FCHO2: variants seen among roughly 807,000 people sequenced by gnomAD.
FCHO2 encodes the protein FCH and mu domain containing endocytic adaptor 2.
A neutral mutation model predicts 114.1 loss-of-function variants in FCHO2; 43 were observed. That is an observed-to-expected ratio of 0.38 (90% CI 0.30 to 0.49). FCHO2 has a LOEUF of 0.49. Among genes scored for constraint, FCHO2 ranks in the 20% least tolerant of loss-of-function variants. FCHO2 has a pLI of 0.97. For synonymous variants in FCHO2, 293 were observed against 315.2 expected (o/e 0.93, Z 0.75); for missense variants, 807 against 950.4 (o/e 0.85, Z 1.98).
At chr5:72,957,662 A>G (rs1751631854) in intron 1 of FCHO2, among the ~76,000 whole-genome samples, 1 of 152,158 alleles carries the variant, frequency 6.6e-6, no homozygotes, top group African/African-American at 2.4e-5. Flanking sequence ...ACATTTTTGT[A>G]CAAGTTTTTG....
intron 8 of FCHO2, 108 bp from the exon 9 acceptor site, chr5:73,034,549 C>T (rs192954155): frequency 1.1e-4 from 81 of 728,896 alleles, no homozygotes; most frequent in South Asian, 5.5e-4. Context: ...TAAAAAGATG[C>T]GTTGTCAATT....
At chr5:72,959,765 C>G (rs1335101480) in intron 1 of FCHO2, among the ~76,000 whole-genome samples, 3 of 151,398 alleles carry the variant, frequency 2.0e-5, no homozygotes, top group Non-Finnish European at 4.4e-5. Context: ...TCTCTTCTCT[C>G]TCTTCTCTTC....
chr5:72,968,685 A>G, intron 2 of FCHO2, 96 bp downstream of exon 2: 7 of 867,416 alleles, frequency 8.1e-6, no homozygotes, highest in Non-Finnish European at 1.0e-5. Context: ...TGGATTTGGA[A>G]TAAAGTAATT....
chr5:73,057,042 C>T (rs965111513), intron 16 of FCHO2, among the ~76,000 whole-genome samples: 4 of 151,980 alleles, frequency 2.6e-5, no homozygotes, highest in African/African-American at 7.3e-5. Flanking sequence ...TCTCTGCAGC[C>T]TCAACGTCCC....
intron 8 of FCHO2, among the ~76,000 whole-genome samples, chr5:73,030,701 G>T (rs1311934975): frequency 1.3e-5 from 2 of 152,192 alleles, no homozygotes; most frequent in African/African-American, 4.8e-5. Context: ...CTCCACCCTA[G>T]ACCTTCTGAA....
At chr5:73,062,537 C>A (rs1259037239) in intron 17 of FCHO2, among the ~76,000 whole-genome samples, 2 of 151,992 alleles carry the variant, frequency 1.3e-5, no homozygotes. Context: ...ACATTTCTTC[C>A]AGGGTACAGC....
intron 1 of FCHO2, among the ~76,000 whole-genome samples, chr5:72,966,298 G>A (rs985477510): frequency 1.3e-5 from 2 of 152,256 alleles, no homozygotes; most frequent in East Asian, 1.9e-4. Flanking sequence ...AAAGTTCACC[G>A]AAGGAGAAGT....
intron 5 of FCHO2, among the ~76,000 whole-genome samples, chr5:72,996,237 C>CT (rs1433083601): frequency 4.9e-5 from 3 of 61,366 alleles, no homozygotes; most frequent in East Asian, 1.3e-3. Context: ...GAACGAAACT[C>CT]TGTCTCAAAA....
intron 8 of FCHO2, among the ~76,000 whole-genome samples, chr5:73,022,990 G>A (rs1755711344): frequency 1.3e-5 from 2 of 152,028 alleles, no homozygotes; most frequent in Admixed American, 1.3e-4. Context: ...TTAATTTCAG[G>A]AAAGGTTCTG....
intron 13 of FCHO2, among the ~76,000 whole-genome samples, 156 bp from the exon 14 acceptor site, chr5:73,054,004 C>G (rs977305564): frequency 2.6e-5 from 4 of 152,132 alleles, no homozygotes; most frequent in Admixed American, 2.6e-4. Flanking sequence ...TATTTTGCTG[C>G]CTCATTTGCT....
At chr5:73,013,968 G>A (rs1454379299) in intron 6 of FCHO2, among the ~76,000 whole-genome samples, 1 of 152,178 alleles carries the variant, frequency 6.6e-6, no homozygotes, top group Non-Finnish European at 1.5e-5. Flanking sequence ...ACAGGTGTGA[G>A]CCACCGTGCC....
Position 73,076,600 on chromosome 5 carries a change from T to C in FCHO2, c.1692-738T>C, listed in dbSNP as rs866890623. Among the ~76,000 whole-genome samples, 79 of 152,292 alleles carry C rather than the reference T, an allele frequency of 5.2e-4. 1 individual carries two copies. The highest frequency in any genetic ancestry group is 1.9e-3 in the African/African-American group (78 of 41,574). On this transcript the variant is annotated intron_variant, in intron 20 of 25. Transcript: ENST00000430046. ...GAGTTCCAGTGCAGAATTGCTGGGATTGGCCTGAGGTGCAGAAATTGATTA... is the reference window on the plus strand; with the variant it reads ...GAGTTCCAGTGCAGAATTGCTGGGACTGGCCTGAGGTGCAGAAATTGATTA...
At chr5:73,006,381 CTTACA>C in intron 5 of FCHO2, 59 bp from the exon 6 acceptor site, 1 of 970,536 alleles carries the variant, frequency 1.0e-6, no homozygotes, top group Non-Finnish European at 1.4e-6. Flanking sequence ...TTCATATTAA[CTTACA>C]TTAGGAAAGA....
Position 73,072,468 on chromosome 5 carries a change from A to C in FCHO2, c.1580-2274A>C, listed in dbSNP as rs142730385. On this transcript the variant is annotated intron_variant, in intron 19 of 25. Coordinates refer to ENST00000430046, the MANE Select transcript of FCHO2 (RefSeq NM_138782.3). ...ATAGTTGTTTACTCCTGTTCGTAGC[A>C]GCACTATTCACAGCAGCCAAAAGGT... Among the ~76,000 whole-genome samples, 52 of 152,220 alleles carry C rather than the reference A, an allele frequency of 3.4e-4. 2 individuals carry two copies. In the East Asian group the frequency reaches 8.7e-3, roughly 25 times the overall value.
chr5:73,031,459 C>T (rs1019771414), intron 8 of FCHO2, among the ~76,000 whole-genome samples: 8 of 152,114 alleles, frequency 5.3e-5, no homozygotes, highest in Admixed American at 3.9e-4. Flanking sequence ...GGATTGATTC[C>T]GAAGCAACAG....
rs745742229 is a variant in FCHO2 at position 73,015,730 on chromosome 5, T to C, written c.699+6T>C. 6.5e-7 allele frequency: 1 copy of C among 1,528,474 alleles called. No homozygotes were observed. Among genetic ancestry groups the C allele is most frequent in the Non-Finnish European group, 8.8e-7 (1 of 1,136,458 alleles). 94.7% of individuals were successfully genotyped at this position (1,528,474 alleles called of 1,614,324 possible). Reference sequence around the variant, plus strand: ...TTCATTTGCAGATAGGCCAGGTAAGTTTTTTTACTTTATGTTGAACTATTC... The same window carrying C: ...TTCATTTGCAGATAGGCCAGGTAAGCTTTTTTACTTTATGTTGAACTATTC... On this transcript the variant is annotated splice_donor_region_variant and intron_variant, in intron 7 of 25. Transcript: ENST00000430046.
intron 2 of FCHO2, among the ~76,000 whole-genome samples, chr5:72,969,436 T>C (rs1387361159): frequency 6.6e-6 from 1 of 152,196 alleles, no homozygotes; most frequent in East Asian, 1.9e-4. Context: ...TCCTCTCTAC[T>C]GGAATCAACA....
intron 5 of FCHO2, among the ~76,000 whole-genome samples, chr5:72,996,095 T>A (rs1305152118): frequency 1.3e-5 from 2 of 151,974 alleles, no homozygotes; most frequent in African/African-American, 4.8e-5. Context: ...AGACAAAAAT[T>A]AGCCGGGCGT....
intron 2 of FCHO2, among the ~76,000 whole-genome samples, chr5:72,986,131 A>T (rs112477465): frequency 0.017 from 2,592 of 151,452 alleles, 70 homozygotes; most frequent in South Asian, 0.054. Flanking sequence ...TTTTTTCTCC[A>T]TCTCCTTTTT....
Sources: allele counts gnomAD v4.1 joint callset (sites outside exome capture counted in the v4.1 genomes callset), GRCh38; gene constraint gnomAD v4.1.1; transcripts MANE v1.5; gene names NCBI Gene and HGNC (gene_info 2026-07-23, HGNC 2026-07-21).